The following PPP4R1 variants were observed in gnomAD, a reference collection of about 807,000 sequenced individuals.
PPP4R1 encodes the protein protein phosphatase 4 regulatory subunit 1.
Under a neutral mutation model 111.2 loss-of-function variants are expected in PPP4R1, and 42 were observed. The observed-to-expected ratio is 0.38, with a 90% CI of 0.29 to 0.49. PPP4R1 has a LOEUF of 0.49. Ranked by LOEUF, PPP4R1 falls within the 20% of genes least tolerant of loss-of-function variation. The pLI is 0.97. For missense variants in PPP4R1, 1,012 were observed against 1,161.6 expected (o/e 0.87, Z 1.87); for synonymous variants, 409 against 405.5 (o/e 1.01, Z -0.10).
At position 9,547,637 on chromosome 18, in the gene PPP4R1, G is replaced by T; in HGVS notation, c.*152C>A. On this transcript the variant is annotated 3_prime_UTR_variant, in exon 20 of 20. Coordinates refer to ENST00000400556, the MANE Select transcript of PPP4R1 (RefSeq NM_001042388.3). ...TTTCTCTTGACTCTTGAAATCCCTGGTATTGGGTGTAGGCAACTTGCACCT... is the reference window on the plus strand; with the variant it reads ...TTTCTCTTGACTCTTGAAATCCCTGTTATTGGGTGTAGGCAACTTGCACCT... 1.3e-6 allele frequency: 1 copy of T among 781,290 alleles called. No individual in the cohort carries two copies. Among genetic ancestry groups the T allele is most frequent in the Non-Finnish European group, 2.1e-6 (1 of 482,700 alleles). 48.4% of individuals were successfully genotyped at this position (781,290 alleles called of 1,614,324 possible). A position where few individuals can be genotyped will look rare whatever the true frequency, so the allele number is the denominator to read the frequency against.
intron 4 of PPP4R1, among the ~76,000 whole-genome samples, chr18:9,589,118 T>G (rs762864937): frequency 6.6e-6 from 1 of 152,128 alleles, no homozygotes; most frequent in Non-Finnish European, 1.5e-5. Context: ...ATAAATAAAT[T>G]TATTCATCAC....
At chr18:9,566,845 T>C (rs2066775946) in intron 11 of PPP4R1, among the ~76,000 whole-genome samples, 3 of 152,202 alleles carry the variant, frequency 2.0e-5, no homozygotes, top group Admixed American at 2.0e-4. Context: ...AGCCCACTGT[T>C]GAGACCTATG....
intron 2 of PPP4R1, chr18:9,613,443 A>G (rs78984035): frequency 8.1e-4 from 124 of 152,334 alleles, no homozygotes; most frequent in African/African-American, 2.8e-3. Context: ...TCCTTTCTAA[A>G]TATCAATTCC....
In PPP4R1 at chr18:9,607,083, G is replaced by A. The variant is rs1034474574; in HGVS notation, c.52+7143C>T. ...ATAAAAGTGATCTACATCAGGCTGG[G>A]TGCAGTGGCTCACACCTGTAATTCC... On this transcript the variant is annotated intron_variant, in intron 2 of 19. Coordinates refer to ENST00000400556, the MANE Select transcript of PPP4R1 (RefSeq NM_001042388.3). Among the ~76,000 whole-genome samples, 12 of 152,140 alleles carry A rather than the reference G, an allele frequency of 7.9e-5. 1 individual carries two copies. The highest frequency in any genetic ancestry group is 7.2e-4 in the Admixed American group (11 of 15,272).
At chr18:9,582,819 A>AG (rs2145186663) in intron 9 of PPP4R1, among the ~76,000 whole-genome samples, 1 of 152,300 alleles carries the variant, frequency 6.6e-6, no homozygotes, top group Non-Finnish European at 1.5e-5. Context: ...GAATTATACA[A>AG]CTATGACCAA....
At position 9,593,868 on chromosome 18, in the gene PPP4R1, C is replaced by A. The variant is rs768443004; in HGVS notation, c.195G>T (p.Met65Ile). The A allele has an allele frequency of 3.1e-6, 5 of 1,612,788 alleles. No homozygotes were observed. The highest frequency in any genetic ancestry group is 4.2e-6 in the Non-Finnish European group (5 of 1,179,478). The change falls in exon 4 of 20, where the codon ATG (methionine) becomes ATT (isoleucine). Residue 65 changes from methionine (M) to isoleucine (I), a missense_variant. By Grantham distance (10) the Met-to-Ile change is conservative (BLOSUM62 1). Transcript: ENST00000400556. ...AGGTATCGAGCAAACTCCGGGCCAC[C>A]ATTTGTCTACACAAAAAAAACAAAA... ...AASENIFNRQ[M>I]VARSLLDTLR...
chr18:9,571,525 G>GA (rs2066861117), intron 10 of PPP4R1, among the ~76,000 whole-genome samples: 1 of 152,182 alleles, frequency 6.6e-6, no homozygotes, highest in Non-Finnish European at 1.5e-5. Context: ...GAGGCAAACA[G>GA]AAAAAATGAA....
chr18:9,594,901 G>A (rs779827961), intron 3 of PPP4R1, 117 bp downstream of exon 3: 47 of 1,218,452 alleles, frequency 3.9e-5, no homozygotes, highest in Non-Finnish European at 5.1e-5. Context: ...AAAACTTGGT[G>A]ACTCAGATTG....
intron 11 of PPP4R1, 93 bp downstream of exon 11, chr18:9,570,063 TA>T (rs1021682016): frequency 1.9e-5 from 26 of 1,359,768 alleles, no homozygotes; most frequent in Non-Finnish European, 2.6e-5. Flanking sequence ...AATACATTAT[TA>T]AATGACAATT....
intron 13 of PPP4R1, among the ~76,000 whole-genome samples, chr18:9,560,830 C>T (rs1243339683): frequency 1.3e-5 from 2 of 151,876 alleles, no homozygotes; most frequent in Non-Finnish European, 2.9e-5. Flanking sequence ...CCACTGCACT[C>T]CAGCCTGGGT....
In PPP4R1 at chr18:9,614,230, G is replaced by A; in HGVS notation, c.48C>T (p.Asp16=). ...CCGCGAGGCCGGGCCACTCACATCC[G>A]TCTGCGTCCTCCTGCAGGTCCTCCT... ...LLQEDLQEDA[D]GFGVDDYSSE... Residue 16 remains aspartate (D), a synonymous_variant, in exon 2 of 20, where the codon GAC becomes GAT. Transcript: ENST00000400556. The surrounding 1 kb of genome is among the most constrained non-coding windows in gnomAD (Gnocchi z 4.1). The A allele has an allele frequency of 7.3e-7, 1 of 1,365,592 alleles. No homozygotes were observed. The highest frequency in any genetic ancestry group is 9.6e-7 in the Non-Finnish European group (1 of 1,046,594). 84.6% of individuals were successfully genotyped at this position (1,365,592 alleles called of 1,614,324 possible). A position where few individuals can be genotyped will look rare whatever the true frequency, so the allele number is the denominator to read the frequency against.
At chr18:9,578,000 T>C (rs2066965064) in intron 9 of PPP4R1, among the ~76,000 whole-genome samples, 1 of 152,220 alleles carries the variant, frequency 6.6e-6, no homozygotes, top group South Asian at 2.1e-4. Context: ...ACAAAGATCT[T>C]GAAGCATATA....
At chr18:9,610,863 T>C (rs868549527) in intron 2 of PPP4R1, among the ~76,000 whole-genome samples, 1 of 95,338 alleles carries the variant, frequency 1.0e-5, no homozygotes. Flanking sequence ...AATGAAATTA[T>C]GTGTACACAC....
intron 19 of PPP4R1, among the ~76,000 whole-genome samples, chr18:9,548,714 C>T (rs139222792): frequency 4.6e-5 from 7 of 152,210 alleles, no homozygotes; most frequent in Admixed American, 2.0e-4. Context: ...GTCAGGAGTT[C>T]GAGACCGGCC....
chr18:9,573,113 T>C (rs1252452242), intron 10 of PPP4R1, among the ~76,000 whole-genome samples: 1 of 152,228 alleles, frequency 6.6e-6, no homozygotes, highest in Non-Finnish European at 1.5e-5. Context: ...AAATGTGTCT[T>C]CTACATGTTT....
chr18:9,606,390 C>T (rs2067482657), intron 2 of PPP4R1, among the ~76,000 whole-genome samples: 1 of 152,110 alleles, frequency 6.6e-6, no homozygotes, highest in Non-Finnish European at 1.5e-5. Flanking sequence ...AACAGCAGAT[C>T]TGAGTAGCTG....
intron 4 of PPP4R1, among the ~76,000 whole-genome samples, chr18:9,592,441 G>A (rs549627046): frequency 1.8e-4 from 28 of 152,172 alleles, no homozygotes; most frequent in African/African-American, 6.3e-4. Context: ...AGCCTGCCCC[G>A]ATCCTTCCCA....
rs148632335 is a variant in PPP4R1, at chr18:9,574,964, C to A, written c.1046+2100G>T. Among the ~76,000 whole-genome samples, 13 of 152,310 alleles carry A rather than the reference C, an allele frequency of 8.5e-5. No homozygotes were observed. The East Asian group carries it at 2.5e-3, about 29-fold the overall frequency. Reference sequence around the variant, plus strand: ...AAATGCAGATTTGAGTATTTCAACTCTGCTTCTGAGAAGTAGGCTTTATCA... The same window carrying A: ...AAATGCAGATTTGAGTATTTCAACTATGCTTCTGAGAAGTAGGCTTTATCA... On this transcript the variant is annotated intron_variant, in intron 10 of 19. Coordinates refer to ENST00000400556, the MANE Select transcript of PPP4R1 (RefSeq NM_001042388.3).
chr18:9,579,259 T>G (rs1238481555), intron 9 of PPP4R1, among the ~76,000 whole-genome samples: 2 of 152,206 alleles, frequency 1.3e-5, no homozygotes, highest in African/African-American at 4.8e-5. Flanking sequence ...AAGCTATTAT[T>G]TTTACTAGTT....
Sources: allele counts gnomAD v4.1 joint callset (sites outside exome capture counted in the v4.1 genomes callset), GRCh38; gene constraint gnomAD v4.1.1; non-coding constraint Gnocchi (gnomAD v3.1); transcripts MANE v1.5; gene names NCBI Gene and HGNC (gene_info 2026-07-23, HGNC 2026-07-21).